Variants in MIF observed in about 807,000 individuals in gnomAD.
The protein encoded by MIF is L-dopachrome isomerase.
Under a neutral mutation model 11.3 loss-of-function variants are expected in MIF, and 16 were observed. The observed-to-expected ratio is 1.42, with a 90% CI of 0.96 to 2.16. The LOEUF is 2.16. Ranked by LOEUF, MIF falls within the 30% of genes most tolerant of loss-of-function variation. The pLI, the probability that MIF is intolerant of heterozygous loss-of-function variation, is 0.00. For synonymous variants in MIF, 83 were observed against 74.2 expected, an observed-to-expected ratio of 1.12 and a Z score of -0.61; for missense variants, 229 against 165.3, an observed-to-expected ratio of 1.39 and a Z score of -2.11.
intron 2 of MIF, 37 bp from the exon 3 acceptor site, chr22:23,895,003 T>C: frequency 6.5e-7 from 1 of 1,537,220 alleles, no homozygotes; most frequent in South Asian, 1.2e-5. Flanking sequence ...GGCCCGGGAC[T>C]GAGCCACCCG....
chr22:23,894,779 C>T lies in MIF; in HGVS notation c.116C>T (p.Ala39Val), dbSNP rs1259649283. The T allele has an allele frequency of 1.2e-5, 18 of 1,538,604 alleles. No homozygotes were observed. Among genetic ancestry groups the T allele is most frequent in the Non-Finnish European group, 1.5e-5 (17 of 1,145,104 alleles). Residue 39 changes from alanine (A) to valine (V), a missense_variant, in exon 2 of 3, where the codon GCG (alanine) becomes GTG (valine). Ala to Val is a moderately conservative substitution (Grantham distance 64). Coordinates refer to ENST00000215754, the MANE Select transcript of MIF (RefSeq NM_002415.2). ...QATGKPPQYIAVHVVPDQLMA... is the reference protein window; with the variant it reads ...QATGKPPQYIVVHVVPDQLMA... ...CGCGCCCTTTCCTCGCAGTACATCG[C>T]GGTGCACGTGGTCCCGGACCAGCTC...
Position 23,894,814 on chromosome 22 carries a change from G to A in MIF, c.151G>A (p.Gly51Ser). Residue 51 changes from glycine to serine, a missense_variant, in exon 2 of 3, where the codon GGC (glycine) becomes AGC (serine). Physicochemically the swap from Gly to Ser is moderately conservative, Grantham distance 56. Coordinates refer to ENST00000215754, the MANE Select transcript of MIF (RefSeq NM_002415.2). ...HVVPDQLMAFGGSSEPCALCS... is the reference protein window; with the variant it reads ...HVVPDQLMAFSGSSEPCALCS... ...GGTCCCGGACCAGCTCATGGCCTTCGGCGGCTCCAGCGAGCCGTGCGCGCT... is the reference window on the plus strand; with the variant it reads ...GGTCCCGGACCAGCTCATGGCCTTCAGCGGCTCCAGCGAGCCGTGCGCGCT... 1.9e-6 allele frequency: 3 copies of A among 1,557,188 alleles called. No individual in the cohort carries two copies. In the South Asian group the frequency reaches 3.5e-5, roughly 18 times the overall value.
rs748288791 is a variant in MIF at position 23,894,406 on chromosome 22, C to T, written c.-69C>T. ...ACAGTGGTGTCCGAGAAGTCAGGCA[C>T]GTAGCTCAGCGGCGGCCGCGGCGCG... On this transcript the variant is annotated 5_prime_UTR_variant, in exon 1 of 3. It adds an upstream start codon to the 5' untranslated region. Transcript: ENST00000215754. 35 of 1,296,444 alleles carry T rather than the reference C, an allele frequency of 2.7e-5. No homozygotes were observed. Among genetic ancestry groups the T allele is most frequent in the East Asian group, 2.3e-5 (1 of 42,994 alleles). The allele number at this position is 1,296,444 out of a possible 1,614,324, so 80.3% of individuals were successfully genotyped here. A position where few individuals can be genotyped will look rare whatever the true frequency, so the allele number is the denominator to read the frequency against.
In MIF at chr22:23,894,400, C is replaced by A; in HGVS notation, c.-75C>A. Reference sequence around the variant, plus strand: ...GGGACCACAGTGGTGTCCGAGAAGTCAGGCACGTAGCTCAGCGGCGGCCGC... The same window carrying A: ...GGGACCACAGTGGTGTCCGAGAAGTAAGGCACGTAGCTCAGCGGCGGCCGC... On this transcript the variant is annotated 5_prime_UTR_variant, in exon 1 of 3. Transcript: ENST00000215754. The A allele has an allele frequency of 8.0e-7, 1 of 1,244,396 alleles. No homozygotes were observed. Among genetic ancestry groups the A allele is most frequent in the Non-Finnish European group, 1.2e-6 (1 of 849,972 alleles). 77.1% of individuals were successfully genotyped at this position (1,244,396 alleles called of 1,614,324 possible).
chr22:23,894,521 C>T lies in MIF; in HGVS notation c.47C>T (p.Pro16Leu), dbSNP rs201862457. 27 of 1,613,256 alleles carry T rather than the reference C, an allele frequency of 1.7e-5. No individual in the cohort carries two copies. Among genetic ancestry groups the T allele is most frequent in the Non-Finnish European group, 1.7e-6 (2 of 1,179,826 alleles). Residue 16 changes from proline (P) to leucine (L), a missense_variant, in exon 1 of 3, where the codon CCG (proline) becomes CTG (leucine). Pro to Leu is a moderately conservative substitution (Grantham distance 98). Transcript: ENST00000215754. ...ACCAACGTGCCCCGCGCCTCCGTGC[C>T]GGACGGGTTCCTCTCCGAGCTCACC... ...VNTNVPRASV[P>L]DGFLSELTQQ... is the part of the protein sequence containing the mutation.
chr22:23,894,639 T>G (rs1601525227), intron 1 of MIF, 57 bp downstream of exon 1: 2 of 1,246,764 alleles, frequency 1.6e-6, no homozygotes. Flanking sequence ...GGTTCCGCGC[T>G]GGGAGCTGGG....
chr22:23,895,177 G>C lies in MIF; in HGVS notation c.*71G>C. On this transcript the variant is annotated 3_prime_UTR_variant, in exon 3 of 3. Coordinates refer to ENST00000215754, the MANE Select transcript of MIF (RefSeq NM_002415.2). ...CCGCCGCACGCTGTGTTCTAGGCCCGCCCACCCCAACCTTCTGGTGGGGAG... is the reference window on the plus strand; with the variant it reads ...CCGCCGCACGCTGTGTTCTAGGCCCCCCCACCCCAACCTTCTGGTGGGGAG... The C allele has an allele frequency of 6.9e-7, 1 of 1,446,464 alleles. No individual in the cohort carries two copies. Among genetic ancestry groups the C allele is most frequent in the Non-Finnish European group, 9.5e-7 (1 of 1,051,420 alleles). 89.6% of individuals were successfully genotyped at this position (1,446,464 alleles called of 1,614,324 possible). A position where few individuals can be genotyped will look rare whatever the true frequency, so the allele number is the denominator to read the frequency against.
rs1328136202 is a variant in MIF at position 23,894,407 on chromosome 22, G to T, written c.-68G>T. The T allele has an allele frequency of 6.1e-6, 8 of 1,307,706 alleles. No homozygotes were observed. The highest frequency in any genetic ancestry group is 8.8e-6 in the Non-Finnish European group (8 of 905,794). 81.0% of individuals were successfully genotyped at this position (1,307,706 alleles called of 1,614,324 possible). A position where few individuals can be genotyped will look rare whatever the true frequency, so the allele number is the denominator to read the frequency against. The stretch of plus-strand genomic sequence containing the variant: ...CAGTGGTGTCCGAGAAGTCAGGCAC[G>T]TAGCTCAGCGGCGGCCGCGGCGCGT... On this transcript the variant is annotated 5_prime_UTR_variant, in exon 1 of 3. Coordinates refer to ENST00000215754, the MANE Select transcript of MIF (RefSeq NM_002415.2).
rs532485317 is a variant in MIF, at chr22:23,894,858, C to G, written c.195C>G (p.Ile65Met). Reference protein sequence around the residue: ...EPCALCSLHSIGKIGGAQNRS... With the variant: ...EPCALCSLHSMGKIGGAQNRS... Reference sequence around the variant, plus strand: ...GCGCGCTCTGCAGCCTGCACAGCATCGGCAAGATCGGCGGCGCGCAGAACC... The same window carrying G: ...GCGCGCTCTGCAGCCTGCACAGCATGGGCAAGATCGGCGGCGCGCAGAACC... Residue 65 changes from isoleucine (I) to methionine (M), a missense_variant, in exon 2 of 3, where the codon ATC (isoleucine) becomes ATG (methionine). Physicochemically the swap from Ile to Met is conservative, Grantham distance 10 (BLOSUM62 1). Transcript: ENST00000215754. 2.0e-5 allele frequency: 31 copies of G among 1,554,666 alleles called. No individual in the cohort carries two copies. The East Asian group carries it at 6.2e-4, about 31-fold the overall frequency.
At chr22:23,894,697 T>C (rs2033122307) in intron 1 of MIF, 75 bp from the exon 2 acceptor site, 1 of 1,462,458 alleles carries the variant, frequency 6.8e-7, no homozygotes, top group Non-Finnish European at 9.1e-7. Flanking sequence ...GGGAGGACGG[T>C]GGCTCGGGCC....
In MIF at chr22:23,894,839, T is replaced by G. The variant is rs2033126360; in HGVS notation, c.176T>G (p.Leu59Arg). 1 of 1,555,808 alleles carries G rather than the reference T, an allele frequency of 6.4e-7. No individual in the cohort carries two copies. The highest frequency in any genetic ancestry group is 8.7e-7 in the Non-Finnish European group (1 of 1,155,072). ...GGCGGCTCCAGCGAGCCGTGCGCGC[T>G]CTGCAGCCTGCACAGCATCGGCAAG... ...AFGGSSEPCA[L>R]CSLHSIGKIG... Residue 59 changes from leucine (L) to arginine (R), a missense_variant, in exon 2 of 3, where the codon CTC becomes CGC. Coordinates refer to ENST00000215754, the MANE Select transcript of MIF (RefSeq NM_002415.2).
In MIF at chr22:23,895,171, A is replaced by G. The variant is rs200716985; in HGVS notation, c.*65A>G. ...GGGAACCCGCCGCACGCTGTGTTCTAGGCCCGCCCACCCCAACCTTCTGGT... is the reference window on the plus strand; with the variant it reads ...GGGAACCCGCCGCACGCTGTGTTCTGGGCCCGCCCACCCCAACCTTCTGGT... On this transcript the variant is annotated 3_prime_UTR_variant, in exon 3 of 3. Transcript: ENST00000215754. 77 of 1,484,080 alleles carry G rather than the reference A, an allele frequency of 5.2e-5. No homozygotes were observed. The highest frequency in any genetic ancestry group is 1.8e-4 in the Admixed American group (9 of 50,908). The allele number at this position is 1,484,080 out of a possible 1,614,324, so 91.9% of individuals were successfully genotyped here. A position where few individuals can be genotyped will look rare whatever the true frequency, so the allele number is the denominator to read the frequency against.
intron 1 of MIF, 50 bp from the exon 2 acceptor site, chr22:23,894,702 CGGGCCCGAAGTGGACGTTCG>C: frequency 6.8e-7 from 1 of 1,474,522 alleles, no homozygotes; most frequent in Non-Finnish European, 9.0e-7. Context: ...GACGGTGGCT[CGGGCCCGAAGTGGACGTTCG>C]GGGCCCGACG....
chr22:23,894,501 C>G lies in MIF; in HGVS notation c.27C>G (p.Asn9Lys). The G allele has an allele frequency of 2.5e-6, 4 of 1,613,206 alleles. No individual in the cohort carries two copies. Among genetic ancestry groups the G allele is most frequent in the Non-Finnish European group, 1.7e-6 (2 of 1,179,812 alleles). The stretch of plus-strand genomic sequence containing the variant: ...TGCCGATGTTCATCGTAAACACCAA[C>G]GTGCCCCGCGCCTCCGTGCCGGACG... Reference protein sequence around the residue: MPMFIVNTNVPRASVPDGF... With the variant: MPMFIVNTKVPRASVPDGF... The change falls in exon 1 of 3, where the codon AAC (asparagine) becomes AAG (lysine). Residue 9 changes from asparagine to lysine, a missense_variant. Transcript: ENST00000215754.
At position 23,894,444 on chromosome 22, in the gene MIF, T is replaced by C. The variant is rs777672045; in HGVS notation, c.-31T>C. On this transcript the variant is annotated 5_prime_UTR_variant, in exon 1 of 3. Transcript: ENST00000215754. ...CGGCCGCGGCGCGTGCGTCTGTGCC[T>C]CTGCGCGGGTCTCCTGGTCCTTCTG... 1 of 1,574,038 alleles carries C rather than the reference T, an allele frequency of 6.4e-7. No homozygotes were observed. Among genetic ancestry groups the C allele is most frequent in the South Asian group, 1.1e-5 (1 of 90,156 alleles).
At position 23,895,072 on chromosome 22, in the gene MIF, C is replaced by T. The variant is rs2033134556; in HGVS notation, c.314C>T (p.Ala105Val). 2 of 1,559,060 alleles carry T rather than the reference C, an allele frequency of 1.3e-6. No individual in the cohort carries two copies. Residue 105 changes from alanine to valine, a missense_variant, in exon 3 of 3, where the codon GCC becomes GTC. Coordinates refer to ENST00000215754, the MANE Select transcript of MIF (RefSeq NM_002415.2). ...VYINYYDMNA[A>V]NVGWNNSTFA is the part of the protein sequence containing the mutation. ...ATCAACTATTACGACATGAACGCGG[C>T]CAATGTGGGCTGGAACAACTCCACC...
chr22:23,894,832 T>C lies in MIF; in HGVS notation c.169T>C (p.Cys57Arg). ...GGCCTTCGGCGGCTCCAGCGAGCCGTGCGCGCTCTGCAGCCTGCACAGCAT... is the reference window on the plus strand; with the variant it reads ...GGCCTTCGGCGGCTCCAGCGAGCCGCGCGCGCTCTGCAGCCTGCACAGCAT... Reference protein sequence around the residue: ...LMAFGGSSEPCALCSLHSIGK... With the variant: ...LMAFGGSSEPRALCSLHSIGK... Residue 57 changes from cysteine to arginine, a missense_variant, in exon 2 of 3, where the codon TGC (cysteine) becomes CGC (arginine). Transcript: ENST00000215754. The C allele has an allele frequency of 6.4e-7, 1 of 1,554,528 alleles. No homozygotes were observed. Among genetic ancestry groups the C allele is most frequent in the Non-Finnish European group, 8.7e-7 (1 of 1,154,448 alleles).
In MIF at chr22:23,894,441, G is replaced by C. The variant is rs202123293; in HGVS notation, c.-34G>C. 4 of 1,555,136 alleles carry C rather than the reference G, an allele frequency of 2.6e-6. No homozygotes were observed. Among genetic ancestry groups the C allele is most frequent in the South Asian group, 2.2e-5 (2 of 89,748 alleles). On this transcript the variant is annotated 5_prime_UTR_variant, in exon 1 of 3. Transcript: ENST00000215754. ...CGGCGGCCGCGGCGCGTGCGTCTGT[G>C]CCTCTGCGCGGGTCTCCTGGTCCTT...
In MIF at chr22:23,894,905, G is replaced by A; in HGVS notation, c.242G>A (p.Cys81Tyr). ...AACCGCTCCTACAGCAAGCTGCTGT[G>A]CGGCCTGCTGGCCGAGCGCCTGCGC... ...AQNRSYSKLLCGLLAERLRIS... is the reference protein window; with the variant it reads ...AQNRSYSKLLYGLLAERLRIS... Residue 81 changes from cysteine to tyrosine, a missense_variant, in exon 2 of 3, where the codon TGC (cysteine) becomes TAC (tyrosine). Physicochemically the swap from Cys to Tyr is radical, Grantham distance 194. Transcript: ENST00000215754. 3.2e-6 allele frequency: 5 copies of A among 1,554,474 alleles called. No individual in the cohort carries two copies. The highest frequency in any genetic ancestry group is 2.6e-6 in the Non-Finnish European group (3 of 1,150,622).
Sources: allele counts gnomAD v4.1 joint callset, GRCh38; gene constraint gnomAD v4.1.1; transcripts MANE v1.5; gene names NCBI Gene and HGNC (gene_info 2026-07-23, HGNC 2026-07-21).